SCUBE1: variants seen among roughly 807,000 people sequenced by gnomAD.
SCUBE1 encodes signal peptide, CUB domain and EGF like domain containing 1.
In SCUBE1, 59 loss-of-function variants were observed where a neutral mutation model predicts 124.4. The observed-to-expected ratio is 0.47, with a 90% CI of 0.38 to 0.59. The LOEUF is 0.59. Ranked by LOEUF, SCUBE1 falls within the 20% of genes least tolerant of loss-of-function variation. The probability of loss-of-function intolerance (pLI) is 0.00; values close to 1 mark genes in which losing one functional copy is unlikely to be tolerated. For missense variants in SCUBE1, 1,150 were observed against 1,371.2 expected (o/e 0.84, Z 2.55); for synonymous variants, 545 against 550.9 (o/e 0.99, Z 0.15).
chr22:43,334,735 T>C (rs1290718047), intron 2 of SCUBE1, among the ~76,000 whole-genome samples: 1 of 152,166 alleles, frequency 6.6e-6, no homozygotes, highest in African/African-American at 2.4e-5. Flanking sequence ...AGCACCGTCA[T>C]CATCATCACA....
intron 21 of SCUBE1, among the ~76,000 whole-genome samples, chr22:43,206,411 G>A (rs1411394739): frequency 2.6e-5 from 4 of 151,916 alleles, no homozygotes; most frequent in African/African-American, 7.3e-5. Flanking sequence ...ACACACACGC[G>A]TGCCCTGAAC....
rs1189678734 is a variant in SCUBE1, at chr22:43,226,334, C to T, written c.1207+1040G>A. 2.6e-5 allele frequency among the ~76,000 whole-genome samples: 4 copies of T among 152,154 alleles called. No individual in the cohort carries two copies. The South Asian group carries it at 6.2e-4, about 24-fold the overall frequency. The stretch of plus-strand genomic sequence containing the variant: ...GAAGCACAGGGGGCCCAGATGGGTG[C>T]GGAAGTGGCCAAGGCTGCGGCTCTG... On this transcript the variant is annotated intron_variant, in intron 10 of 21. Transcript: ENST00000360835.
intron 3 of SCUBE1, among the ~76,000 whole-genome samples, chr22:43,303,114 G>A (rs149640861): frequency 7.3e-4 from 111 of 152,356 alleles, no homozygotes; most frequent in Middle Eastern, 3.4e-3. Context: ...CCTCGGTACC[G>A]TCGGAATTCT....
intron 4 of SCUBE1, among the ~76,000 whole-genome samples, chr22:43,289,350 A>C (rs1925268655): frequency 6.6e-6 from 1 of 152,204 alleles, no homozygotes. Context: ...GGGAGGTCTT[A>C]CAAGGCGCAA....
intron 15 of SCUBE1, among the ~76,000 whole-genome samples, chr22:43,215,586 G>GGGGC (rs1207534061): frequency 6.6e-6 from 1 of 152,218 alleles, no homozygotes; most frequent in Non-Finnish European, 1.5e-5. Context: ...GCCTGCTGAT[G>GGGGC]GGGCACCCAG....
Position 43,257,732 on chromosome 22 carries a change from G to A in SCUBE1, c.727+487C>T, listed in dbSNP as rs564940003. Among the ~76,000 whole-genome samples, 369 of 152,336 alleles carry A rather than the reference G, an allele frequency of 2.4e-3. 1 individual carries two copies. Among genetic ancestry groups the A allele is most frequent in the African/African-American group, 8.5e-3 (352 of 41,572 alleles). ...CAATGACCACTCAAAGCAAAGTTCT[G>A]AGGAAACCTCTTAGTTTTCCAGACG... is the stretch of plus-strand genomic sequence containing the variant. On this transcript the variant is annotated intron_variant, in intron 6 of 21. Transcript: ENST00000360835.
intron 2 of SCUBE1, among the ~76,000 whole-genome samples, chr22:43,338,696 T>C (rs1199825599): frequency 6.6e-6 from 1 of 152,032 alleles, no homozygotes; most frequent in Non-Finnish European, 1.5e-5. Context: ...CGGCTAACTT[T>C]TTTTGTATTT....
chr22:43,230,923 AGGCCACAT>A (rs995709076), intron 8 of SCUBE1, among the ~76,000 whole-genome samples: 1 of 152,170 alleles, frequency 6.6e-6, no homozygotes. Flanking sequence ...TACCCAGACA[AGGCCACAT>A]GCTGCCCGCA....
chr22:43,212,365 T>C, intron 17 of SCUBE1, 60 bp downstream of exon 17: 5 of 1,511,422 alleles, frequency 3.3e-6, no homozygotes, highest in Non-Finnish European at 4.5e-6. Flanking sequence ...GGGAAGCCTC[T>C]CGGAGCAGTG....
At chr22:43,256,795 G>C (rs1167937885) in intron 6 of SCUBE1, among the ~76,000 whole-genome samples, 1 of 152,226 alleles carries the variant, frequency 6.6e-6, no homozygotes, top group Non-Finnish European at 1.5e-5. Context: ...AGGCTGGGTG[G>C]CCCGGGAGAG....
At chr22:43,295,176 C>T (rs1925510943) in intron 3 of SCUBE1, among the ~76,000 whole-genome samples, 1 of 152,208 alleles carries the variant, frequency 6.6e-6, no homozygotes, top group African/African-American at 2.4e-5. Flanking sequence ...CTGATGCTTA[C>T]AAACCTCCCT....
intron 3 of SCUBE1, among the ~76,000 whole-genome samples, chr22:43,297,425 T>C (rs1251822311): frequency 6.6e-6 from 1 of 152,244 alleles, no homozygotes; most frequent in Non-Finnish European, 1.5e-5. Context: ...TGAGCACAGC[T>C]CTGGAGGCCG....
chr22:43,317,320 G>A (rs1052855883), intron 3 of SCUBE1, among the ~76,000 whole-genome samples: 2 of 152,144 alleles, frequency 1.3e-5, no homozygotes, highest in African/African-American at 4.8e-5. Flanking sequence ...CCTCACACGC[G>A]ATCTTGGGAA....
intron 3 of SCUBE1, among the ~76,000 whole-genome samples, chr22:43,294,064 A>G (rs1392943705): frequency 6.6e-6 from 1 of 152,102 alleles, no homozygotes; most frequent in African/African-American, 2.4e-5. Flanking sequence ...GCTGATGAAT[A>G]ATGGGAAACA....
intron 2 of SCUBE1, among the ~76,000 whole-genome samples, chr22:43,337,590 G>A (rs1449158499): frequency 6.6e-6 from 1 of 152,214 alleles, no homozygotes; most frequent in African/African-American, 2.4e-5. Flanking sequence ...TCCTTCCAGA[G>A]GTCTGTGGGT....
Position 43,199,079 on chromosome 22 carries a change from G to A in SCUBE1, c.*4918C>T, listed in dbSNP as rs1286878781. 5 of 339,252 alleles carry A rather than the reference G, an allele frequency of 1.5e-5. No homozygotes were observed. The Admixed American group carries it at 1.7e-4, about 11-fold the overall frequency. 21.0% of individuals were successfully genotyped at this position (339,252 alleles called of 1,614,324 possible). On this transcript the variant is annotated 3_prime_UTR_variant, in exon 22 of 22. Coordinates refer to ENST00000360835, the MANE Select transcript of SCUBE1 (RefSeq NM_173050.5). Reference sequence around the variant, plus strand: ...GTTTGTCTGTCTGCTGTCCGGGGCAGTTTGTTTGTCTGTCTGCTGTCTGGG... The same window carrying A: ...GTTTGTCTGTCTGCTGTCCGGGGCAATTTGTTTGTCTGTCTGCTGTCTGGG...
intron 3 of SCUBE1, among the ~76,000 whole-genome samples, chr22:43,316,589 C>T (rs1386503260): frequency 6.6e-6 from 1 of 152,220 alleles, no homozygotes; most frequent in East Asian, 1.9e-4. Flanking sequence ...CTCACCTCCA[C>T]AGCCCCACAC....
chr22:43,328,272 C>T (rs1478675536), intron 2 of SCUBE1, among the ~76,000 whole-genome samples: 3 of 128,734 alleles, frequency 2.3e-5, no homozygotes, highest in African/African-American at 6.0e-5. Context: ...GCCGTTGGCG[C>T]GTGTGAGATG....
chr22:43,279,727 T>G (rs537701966), intron 4 of SCUBE1, among the ~76,000 whole-genome samples: 109 of 152,342 alleles, frequency 7.2e-4, no homozygotes, highest in African/African-American at 2.5e-3. Flanking sequence ...GTCACAGCCC[T>G]CCACGCACTG....
Sources: allele counts gnomAD v4.1 joint callset (sites outside exome capture counted in the v4.1 genomes callset), GRCh38; gene constraint gnomAD v4.1.1; transcripts MANE v1.5; gene names NCBI Gene and HGNC (gene_info 2026-07-23, HGNC 2026-07-21).